Variants in DNAH6 observed in about 807,000 individuals in gnomAD.
DNAH6 encodes dynein axonemal heavy chain 6.
A neutral mutation model predicts 491.4 loss-of-function variants in DNAH6; 340 were observed. That is an observed-to-expected ratio of 0.69 (90% confidence interval 0.63 to 0.76). DNAH6 has a LOEUF of 0.76. DNAH6 is among the 30% of genes least tolerant of loss of function. The pLI is 0.00. For missense variants in DNAH6, 4,443 were observed against 4,972.2 expected (o/e 0.89, Z 3.20); for synonymous variants, 1,603 against 1,686.1 (o/e 0.95, Z 1.21).
At chr2:84,490,977 T>C in the DNAH6 span, among the ~76,000 whole-genome samples, 4 of 152,244 alleles carry the variant, frequency 2.6e-5, no homozygotes, top group African/African-American at 9.6e-5. Context: ...GTATAGTGCA[T>C]TGGGTAAATG....
chr2:84,645,282 G>A (rs1219852215), intron 33 of DNAH6, among the ~76,000 whole-genome samples: 1 of 152,142 alleles, frequency 6.6e-6, no homozygotes, highest in Non-Finnish European at 1.5e-5. Flanking sequence ...AGCTGGGCAT[G>A]GTGGCACATG....
chr2:84,653,330 C>G lies in DNAH6; in HGVS notation c.5090C>G (p.Ser1697Cys). The change falls in exon 34 of 77, where the codon TCT becomes TGT. Residue 1697 changes from serine (S) to cysteine (C), a missense_variant. Physicochemically the swap from Ser to Cys is moderately radical, Grantham distance 112. This residue lies in a region of DNAH6 where 2,977 missense variants were observed against 3,296.6 expected (regional missense o/e 0.90). Coordinates refer to ENST00000389394, the MANE Select transcript of DNAH6 (RefSeq NM_001370.2). Reference sequence around the variant, plus strand: ...TTTTGTTTTGACAGTGGAATCATATCTGACCTTTTTCCTGGAGTCCAAATT... The same window carrying G: ...TTTTGTTTTGACAGTGGAATCATATGTGACCTTTTTCCTGGAGTCCAAATT... Reference protein sequence around the residue: ...DDALLFSGIISDLFPGVQIPE... With the variant: ...DDALLFSGIICDLFPGVQIPE... 1 of 1,531,216 alleles carries G rather than the reference C, an allele frequency of 6.5e-7. No individual in the cohort carries two copies. The highest frequency in any genetic ancestry group is 2.1e-5 in the Admixed American group (1 of 48,380). The allele number at this position is 1,531,216 out of a possible 1,614,324, so 94.9% of individuals were successfully genotyped here.
chr2:84,526,405 G>A (rs530904057), intron 3 of DNAH6, among the ~76,000 whole-genome samples: 116 of 152,226 alleles, frequency 7.6e-4, no homozygotes, highest in African/African-American at 2.7e-3. Flanking sequence ...TTGAGGACAA[G>A]GTCTGTCCTC....
chr2:84,772,504 A>C lies in DNAH6; in HGVS notation c.10704-8989A>C, dbSNP rs141588648. ...AGTGACTAAAAGAGCTGAAGTGGCT[A>C]TAATAATATCAGGAAAAAAATAGAC... is the stretch of plus-strand genomic sequence containing the variant. On this transcript the variant is annotated intron_variant, in intron 64 of 76. Coordinates refer to ENST00000389394, the MANE Select transcript of DNAH6 (RefSeq NM_001370.2). Among the ~76,000 whole-genome samples the C allele has an allele frequency of 9.4e-3, 1,432 of 152,210 alleles. 67 individuals are homozygous for C. The highest frequency in any genetic ancestry group is 0.07 in the Admixed American group (1,067 of 15,268).
At position 84,555,586 on chromosome 2, in the gene DNAH6, T is replaced by G. The variant is rs138069208; in HGVS notation, c.1603-2149T>G. 9.8e-5 allele frequency among the ~76,000 whole-genome samples: 15 copies of G among 152,336 alleles called. No individual in the cohort carries two copies. In the East Asian group the frequency reaches 2.9e-3, roughly 29 times the overall value. On this transcript the variant is annotated intron_variant, in intron 10 of 76. Coordinates refer to ENST00000389394, the MANE Select transcript of DNAH6 (RefSeq NM_001370.2). ...ATATCTATATCTACCTATCTATATC[T>G]CTACCTATATCTATATGTCTCTATC...
chr2:84,797,290 C>T (rs1678447292), intron 69 of DNAH6, among the ~76,000 whole-genome samples: 1 of 152,190 alleles, frequency 6.6e-6, no homozygotes, highest in Non-Finnish European at 1.5e-5. Context: ...GGATTCTCCG[C>T]ATCTTTAAAT....
At chr2:84,758,368 T>C (rs940390044) in intron 63 of DNAH6, among the ~76,000 whole-genome samples, 1 of 152,086 alleles carries the variant, frequency 6.6e-6, no homozygotes, top group South Asian at 2.1e-4. Flanking sequence ...ATAAAAACTA[T>C]AAAAGAAGTT....
chr2:84,652,568 T>C (rs1690549686), intron 33 of DNAH6, among the ~76,000 whole-genome samples: 1 of 152,100 alleles, frequency 6.6e-6, no homozygotes, highest in Non-Finnish European at 1.5e-5. Flanking sequence ...CTTTGTTCAC[T>C]GTCAACTTTT....
chr2:84,477,134 G>A, the DNAH6 span, among the ~76,000 whole-genome samples: 42 of 152,344 alleles, frequency 2.8e-4, no homozygotes, highest in African/African-American at 9.6e-4. Flanking sequence ...TGCAATTGTG[G>A]AGGCTGCAAA....
At chr2:84,652,591 G>A (rs1166906671) in intron 33 of DNAH6, among the ~76,000 whole-genome samples, 2 of 151,926 alleles carry the variant, frequency 1.3e-5, no homozygotes, top group Non-Finnish European at 2.9e-5. Context: ...TACAGTTGTA[G>A]ATTTCCTGCC....
At chr2:84,532,330 T>A (rs1167590397) in intron 4 of DNAH6, among the ~76,000 whole-genome samples, 2 of 152,200 alleles carry the variant, frequency 1.3e-5, no homozygotes, top group Non-Finnish European at 2.9e-5. Flanking sequence ...CATGGTTTGT[T>A]ATCATTATTG....
chr2:84,721,660 T>C (rs1287261128), intron 59 of DNAH6, among the ~76,000 whole-genome samples: 1 of 152,228 alleles, frequency 6.6e-6, no homozygotes, highest in Non-Finnish European at 1.5e-5. Context: ...ATTAAAAATA[T>C]ACTATTAAAA....
At position 84,785,636 on chromosome 2, in the gene DNAH6, A is replaced by G. The variant is rs1166000919; in HGVS notation, c.10980A>G (p.Leu3660=). Residue 3660 remains leucine, a synonymous_variant, in exon 67 of 77, where the codon TTA becomes TTG. Coordinates refer to ENST00000389394, the MANE Select transcript of DNAH6 (RefSeq NM_001370.2). ...VKVTNEPPKG[L]RANIRRAFTE... is the part of the protein sequence containing the mutation. ...TGACCAATGAGCCTCCAAAAGGCTT[A>G]CGTGCAAATATCAGACGAGCATTTA... The G allele has an allele frequency of 1.3e-6, 2 of 1,545,012 alleles. No individual in the cohort carries two copies. The highest frequency in any genetic ancestry group is 1.4e-5 in the African/African-American group (1 of 72,706).
chr2:84,662,864 G>A (rs575374559), intron 37 of DNAH6, among the ~76,000 whole-genome samples: 19 of 152,290 alleles, frequency 1.2e-4, no homozygotes, highest in African/African-American at 2.6e-4. Context: ...AGTAGGGGCC[G>A]ACTGACAGCT....
chr2:84,475,806 A>G, the DNAH6 span, among the ~76,000 whole-genome samples: 1 of 152,204 alleles, frequency 6.6e-6, no homozygotes, highest in Non-Finnish European at 1.5e-5. Context: ...CAATAAAATC[A>G]ATATATGATT....
chr2:84,609,823 T>G (rs955499166), intron 21 of DNAH6, among the ~76,000 whole-genome samples: 5 of 152,170 alleles, frequency 3.3e-5, no homozygotes, highest in African/African-American at 4.8e-5. Flanking sequence ...GATGCAGGGT[T>G]GCCACAAAAC....
intron 68 of DNAH6, among the ~76,000 whole-genome samples, chr2:84,792,169 A>G (rs1367370224): frequency 6.6e-6 from 1 of 152,220 alleles, no homozygotes; most frequent in Non-Finnish European, 1.5e-5. Flanking sequence ...TGAGGCCTCT[A>G]TAATAGTCAA....
chr2:84,754,601 G>C (rs1315261444), intron 63 of DNAH6, among the ~76,000 whole-genome samples: 1 of 152,186 alleles, frequency 6.6e-6, no homozygotes, highest in African/African-American at 2.4e-5. Context: ...ACAATTGTGA[G>C]AGTTTTTTTC....
intron 11 of DNAH6, among the ~76,000 whole-genome samples, chr2:84,566,724 G>T (rs1016329640): frequency 6.6e-6 from 1 of 151,930 alleles, no homozygotes; most frequent in Non-Finnish European, 1.5e-5. Flanking sequence ...ATAGCTATGA[G>T]GAGTACTATA....
Sources: allele counts gnomAD v4.1 joint callset (sites outside exome capture counted in the v4.1 genomes callset), GRCh38; gene constraint gnomAD v4.1.1; regional missense constraint gnomAD v4.1.1; transcripts MANE v1.5; gene names NCBI Gene and HGNC (gene_info 2026-07-23, HGNC 2026-07-21).